SENP2: variants seen among roughly 807,000 people sequenced by gnomAD.
SENP2 encodes the protein SUMO specific peptidase 2.
SENP2 carries 16 observed loss-of-function variants against 86.3 expected under a neutral mutation model. The observed-to-expected ratio is 0.19, with a 90% CI of 0.13 to 0.28. The LOEUF (loss-of-function observed/expected upper bound fraction) is 0.28. Among genes scored for constraint, SENP2 ranks in the 10% least tolerant of loss-of-function variants. The pLI is 1.00. For synonymous variants in SENP2, 222 were observed against 238.7 expected (o/e 0.93, Z 0.64); for missense variants, 552 against 703.0 (o/e 0.79, Z 2.43).
intron 1 of SENP2, among the ~76,000 whole-genome samples, chr3:185,587,991 A>C (rs1239768544): frequency 6.9e-6 from 1 of 145,832 alleles, no homozygotes; most frequent in Admixed American, 6.9e-5. Context: ...CACCCGCCTC[A>C]GCCTCCCAAA....
At position 185,606,486 on chromosome 3, in the gene SENP2, T is replaced by C. The variant is rs1296838296; in HGVS notation, c.606T>C (p.Cys202=). Residue 202 remains cysteine (C), a synonymous_variant, in exon 6 of 17, where the codon TGT becomes TGC. Coordinates refer to ENST00000296257, the MANE Select transcript of SENP2 (RefSeq NM_021627.3). ...ESGKGLRRPH[C]TVEEGVQKEE... ...GCAAGGGTCTGAGGCGTCCCCATTG[T>C]ACTGTGGAGGAGGTAAGCCTTTTCA... The C allele has an allele frequency of 6.3e-7, 1 of 1,594,432 alleles. No individual in the cohort carries two copies. Among genetic ancestry groups the C allele is most frequent in the South Asian group, 1.2e-5 (1 of 86,480 alleles).
intron 10 of SENP2, among the ~76,000 whole-genome samples, chr3:185,613,990 G>A (rs1711508173): frequency 6.6e-6 from 1 of 152,028 alleles, no homozygotes; most frequent in Non-Finnish European, 1.5e-5. Flanking sequence ...GGCTTCTTAG[G>A]GAGAATTTCT....
chr3:185,592,507 T>G lies in SENP2; in HGVS notation c.157+2338T>G, dbSNP rs550113162. On this transcript the variant is annotated intron_variant, in intron 2 of 16. Transcript: ENST00000296257. Reference sequence around the variant, plus strand: ...CAGATGTGGTAATTGAGTGTGGACATATTTGTGTTAATATTTCGTTTAAAT... The same window carrying G: ...CAGATGTGGTAATTGAGTGTGGACAGATTTGTGTTAATATTTCGTTTAAAT... 1.1e-3 allele frequency among the ~76,000 whole-genome samples: 163 copies of G among 152,318 alleles called. 1 individual carries two copies. The highest frequency in any genetic ancestry group is 3.7e-3 in the African/African-American group (153 of 41,580).
rs1228684949 is a variant in SENP2 at position 185,631,289 on chromosome 3, C to A, written c.*1445C>A. ...CTGGTTACAGCTATTGCAGCCAGTTCCCTGAGACTTGTAAAACTCCTGGTT... is the reference window on the plus strand; with the variant it reads ...CTGGTTACAGCTATTGCAGCCAGTTACCTGAGACTTGTAAAACTCCTGGTT... On this transcript the variant is annotated 3_prime_UTR_variant, in exon 17 of 17. Transcript: ENST00000296257. 6.6e-6 allele frequency: 1 copy of A among 151,998 alleles called. No individual in the cohort carries two copies. The highest frequency in any genetic ancestry group is 1.5e-5 in the Non-Finnish European group (1 of 68,054). The allele number at this position is 151,998 out of a possible 1,614,324, so 9.4% of individuals were successfully genotyped here. A position where few individuals can be genotyped will look rare whatever the true frequency, so the allele number is the denominator to read the frequency against.
At chr3:185,629,382 G>A (rs1003814284) in intron 16 of SENP2, among the ~76,000 whole-genome samples, 7 of 152,120 alleles carry the variant, frequency 4.6e-5, no homozygotes, top group Admixed American at 2.6e-4. Flanking sequence ...GTCAAGACCA[G>A]CCTGGCCAAC....
At chr3:185,601,107 G>A (rs925029340) in intron 5 of SENP2, among the ~76,000 whole-genome samples, 6 of 144,372 alleles carry the variant, frequency 4.2e-5, no homozygotes, top group African/African-American at 1.3e-4. Flanking sequence ...GCATTGGTGC[G>A]ATCTTGGCTC....
rs1476292891 is a variant in SENP2 at position 185,633,337 on chromosome 3, T to C, written c.*3493T>C. On this transcript the variant is annotated 3_prime_UTR_variant, in exon 17 of 17. Coordinates refer to ENST00000296257, the MANE Select transcript of SENP2 (RefSeq NM_021627.3). Reference sequence around the variant, plus strand: ...AACTGATTGGGAACCTAATCTCTTTTGTAACTGTTTGAGAAAAACTCTGAA... The same window carrying C: ...AACTGATTGGGAACCTAATCTCTTTCGTAACTGTTTGAGAAAAACTCTGAA... The C allele has an allele frequency of 6.6e-6, 1 of 152,220 alleles. No individual in the cohort carries two copies. The highest frequency in any genetic ancestry group is 2.4e-5 in the African/African-American group (1 of 41,464). 9.4% of individuals were successfully genotyped at this position (152,220 alleles called of 1,614,324 possible).
chr3:185,625,740 C>T lies in SENP2; in HGVS notation c.1612-558C>T, dbSNP rs192140593. ...CTGTCCACCTTGAAGCTGTAGGGTCCAAAGCAGTAGTCTTATTTTCTTAGC... is the reference window on the plus strand; with the variant it reads ...CTGTCCACCTTGAAGCTGTAGGGTCTAAAGCAGTAGTCTTATTTTCTTAGC... On this transcript the variant is annotated intron_variant, in intron 15 of 16. Coordinates refer to ENST00000296257, the MANE Select transcript of SENP2 (RefSeq NM_021627.3). Among the ~76,000 whole-genome samples the T allele has an allele frequency of 6.4e-4, 97 of 152,258 alleles. 3 individuals are homozygous for T. In the East Asian group the frequency reaches 0.015, roughly 23 times the overall value.
chr3:185,623,451 T>C (rs1341829537), intron 14 of SENP2, among the ~76,000 whole-genome samples: 1 of 152,208 alleles, frequency 6.6e-6, no homozygotes, highest in Non-Finnish European at 1.5e-5. Flanking sequence ...TGTTATTTTT[T>C]GTATCTTAAT....
intron 2 of SENP2, among the ~76,000 whole-genome samples, chr3:185,593,719 T>C (rs1156886467): frequency 6.9e-6 from 1 of 144,430 alleles, no homozygotes; most frequent in Admixed American, 7.2e-5. Context: ...TATTATTGTG[T>C]TTTCATTTCT....
At chr3:185,606,710 A>G (rs948543786) in intron 6 of SENP2, 13 of 545,422 alleles carry the variant, frequency 2.4e-5, no homozygotes, top group African/African-American at 2.1e-4. Flanking sequence ...GGTTCATGCT[A>G]TGAGACCTAA....
At position 185,595,797 on chromosome 3, in the gene SENP2, A is replaced by ATT. The variant is rs1011999597; in HGVS notation, c.158-2595_158-2594dup. Among the ~76,000 whole-genome samples, 630 of 130,124 alleles carry ATT rather than the reference A, an allele frequency of 4.8e-3. 11 individuals carry two copies. The highest frequency in any genetic ancestry group is 0.017 in the African/African-American group (585 of 34,922). 85.4% of individuals were successfully genotyped at this position (130,124 alleles called of 152,430 possible). ...GGTGGCAAGGAAGGGTGAGCCTGAG[A>ATT]TTTTTTTTTTTTTTTTTTTTTGAGA... On this transcript the variant is annotated intron_variant, in intron 2 of 16. Coordinates refer to ENST00000296257, the MANE Select transcript of SENP2 (RefSeq NM_021627.3).
Position 185,632,224 on chromosome 3 carries a change from G to GTTTTTTTT in SENP2, c.*2385_*2392dup, listed in dbSNP as rs766556308. ...CATTAAAGCCAGTGGTTTTTTTTTTGTTTTTTTTTTTTGTTTTTTTTTTTT... is the reference window on the plus strand; with the variant it reads ...CATTAAAGCCAGTGGTTTTTTTTTTGTTTTTTTTTTTTTTTTTTTTGTTTTTTTTTTTT... On this transcript the variant is annotated 3_prime_UTR_variant, in exon 17 of 17. Transcript: ENST00000296257. The GTTTTTTTT allele has an allele frequency of 5.7e-4, 41 of 71,900 alleles. 1 individual carries two copies. The highest frequency in any genetic ancestry group is 7.6e-4 in the Non-Finnish European group (26 of 34,114). The allele number at this position is 71,900 out of a possible 1,614,324, so 4.5% of individuals were successfully genotyped here.
intron 2 of SENP2, among the ~76,000 whole-genome samples, chr3:185,595,725 G>C (rs1008722329): frequency 4.6e-5 from 7 of 152,064 alleles, no homozygotes; most frequent in Non-Finnish European, 8.8e-5. Context: ...TGTAATAAAA[G>C]GAGGAAGTGA....
intron 15 of SENP2, among the ~76,000 whole-genome samples, chr3:185,624,880 GA>G (rs1712070864): frequency 6.8e-6 from 1 of 147,446 alleles, no homozygotes; most frequent in Non-Finnish European, 1.5e-5. Context: ...AAAAAAAAAA[GA>G]AAAAGAAAAA....
rs530402227 is a variant in SENP2, at chr3:185,589,632, T to C, written c.102-482T>C. ...AAGTCTTCGCATGTGAAAAGCCTAC[T>C]ATAGAATAGCATTCTCTCTTTTGTT... is the stretch of plus-strand genomic sequence containing the variant. On this transcript the variant is annotated intron_variant, in intron 1 of 16. Coordinates refer to ENST00000296257, the MANE Select transcript of SENP2 (RefSeq NM_021627.3). Among the ~76,000 whole-genome samples, 17 of 152,352 alleles carry C rather than the reference T, an allele frequency of 1.1e-4. No homozygotes were observed. In the South Asian group the frequency reaches 3.5e-3, roughly 32 times the overall value.
intron 11 of SENP2, 120 bp from the exon 12 acceptor site, chr3:185,617,360 T>C: frequency 1.5e-6 from 1 of 684,076 alleles, no homozygotes; most frequent in South Asian, 2.6e-5. Context: ...TTTGATAGTA[T>C]ATTTTTCTCA....
chr3:185,588,825 T>C (rs544098676), intron 1 of SENP2, among the ~76,000 whole-genome samples: 134 of 152,226 alleles, frequency 8.8e-4, no homozygotes, highest in Non-Finnish European at 1.7e-3. Context: ...ACTTGGTCCC[T>C]ATTTATGGAA....
At chr3:185,625,381 G>A (rs1348755884) in intron 15 of SENP2, among the ~76,000 whole-genome samples, 1 of 152,128 alleles carries the variant, frequency 6.6e-6, no homozygotes, top group African/African-American at 2.4e-5. Flanking sequence ...AAAGTGCTGG[G>A]ATTACAGGCG....
Sources: allele counts gnomAD v4.1 joint callset (sites outside exome capture counted in the v4.1 genomes callset), GRCh38; gene constraint gnomAD v4.1.1; transcripts MANE v1.5; gene names NCBI Gene and HGNC (gene_info 2026-07-23, HGNC 2026-07-21).